Variants in FAR1 observed in about 807,000 individuals in gnomAD.
FAR1 encodes the protein fatty acyl-CoA reductase 1.
A neutral mutation model predicts 61.1 loss-of-function variants in FAR1; 22 were observed. The ratio of observed to expected loss-of-function variants is 0.36; its 90% CI spans 0.26 to 0.51. The LOEUF (loss-of-function observed/expected upper bound fraction) is 0.51, where lower values mean the gene tolerates loss of function less well. Ranked by LOEUF, FAR1 falls within the 20% of genes least tolerant of loss-of-function variation. The pLI is 0.95. For missense variants in FAR1, 359 were observed against 626.9 expected (o/e 0.57, Z 4.56); for synonymous variants, 206 against 209.7 (o/e 0.98, Z 0.15).
intron 10 of FAR1, among the ~76,000 whole-genome samples, 174 bp from the exon 11 acceptor site, chr11:13,727,382 A>C (rs1234883153): frequency 6.6e-6 from 1 of 152,014 alleles, no homozygotes; most frequent in Non-Finnish European, 1.5e-5. Context: ...GATGGTATGA[A>C]CTAGGAATAC....
rs1281587983 is a variant in FAR1, at chr11:13,668,811, G to C, written c.-8+5G>C. Reference sequence around the variant, plus strand: ...GGCCTGAGCCTCTGCGTCTAGGTGAGAAGGGGGTGCGCCAGCGGGAGCGGC... The same window carrying C: ...GGCCTGAGCCTCTGCGTCTAGGTGACAAGGGGGTGCGCCAGCGGGAGCGGC... On this transcript the variant is annotated splice_donor_5th_base_variant and intron_variant, in intron 1 of 11. Transcript: ENST00000354817. 1 of 153,906 alleles carries C rather than the reference G, an allele frequency of 6.5e-6. No individual in the cohort carries two copies. Among genetic ancestry groups the C allele is most frequent in the African/African-American group, 2.4e-5 (1 of 41,472 alleles). 9.5% of individuals were successfully genotyped at this position (153,906 alleles called of 1,614,324 possible).
At chr11:13,706,886 T>A (rs1565347522) in intron 3 of FAR1, among the ~76,000 whole-genome samples, 2 of 152,290 alleles carry the variant, frequency 1.3e-5, no homozygotes, top group East Asian at 3.9e-4. Flanking sequence ...GTAGGTTTCA[T>A]TATTGTTCCC....
intron 3 of FAR1, among the ~76,000 whole-genome samples, chr11:13,704,735 T>TA (rs76275724): frequency 2.0e-5 from 3 of 151,820 alleles, no homozygotes; most frequent in Non-Finnish European, 4.4e-5. Flanking sequence ...TCATTAAGAT[T>TA]AAAAAAAATG....
At chr11:13,704,062 AAAGTG>A (rs1247166192) in intron 3 of FAR1, among the ~76,000 whole-genome samples, 17 of 151,942 alleles carry the variant, frequency 1.1e-4, no homozygotes, top group Admixed American at 2.0e-4. Flanking sequence ...AAAAAAAAAA[AAAGTG>A]AGAGGAGAAG....
At chr11:13,702,745 C>A (rs1848390294) in intron 3 of FAR1, among the ~76,000 whole-genome samples, 1 of 152,254 alleles carries the variant, frequency 6.6e-6, no homozygotes, top group African/African-American at 2.4e-5. Flanking sequence ...GTATAGTCTT[C>A]ATTGACTTAA....
chr11:13,673,283 G>C (rs2134165078), intron 1 of FAR1, among the ~76,000 whole-genome samples: 1 of 152,302 alleles, frequency 6.6e-6, no homozygotes, highest in African/African-American at 2.4e-5. Flanking sequence ...TTAGCCCATA[G>C]GGATTCTGAG....
intron 1 of FAR1, among the ~76,000 whole-genome samples, chr11:13,673,459 C>T (rs1318693216): frequency 1.3e-5 from 2 of 152,184 alleles, no homozygotes; most frequent in Admixed American, 6.5e-5. Context: ...GGTTGGAGAG[C>T]TAAGTGACAG....
In FAR1 at chr11:13,730,850, T is replaced by C. The variant is rs1440692654; in HGVS notation, c.*2076T>C. 1 of 152,154 alleles carries C rather than the reference T, an allele frequency of 6.6e-6. No homozygotes were observed. Among genetic ancestry groups the C allele is most frequent in the Admixed American group, 6.6e-5 (1 of 15,260 alleles). The allele number at this position is 152,154 out of a possible 1,614,324, so 9.4% of individuals were successfully genotyped here. ...TAGAGTTCTGTTGTCAAAAGAAAAC[T>C]AATGAATAAATTAGTTTGTCATTCT... On this transcript the variant is annotated 3_prime_UTR_variant, in exon 12 of 12. Transcript: ENST00000354817.
At chr11:13,675,716 G>A (rs948144168) in intron 1 of FAR1, among the ~76,000 whole-genome samples, 2 of 152,166 alleles carry the variant, frequency 1.3e-5, no homozygotes, top group Admixed American at 1.3e-4. Context: ...CAGCTTTGGT[G>A]TGCAGTTGTG....
At chr11:13,691,186 G>A (rs1466914253) in intron 1 of FAR1, among the ~76,000 whole-genome samples, 2 of 152,134 alleles carry the variant, frequency 1.3e-5, no homozygotes, top group Non-Finnish European at 2.9e-5. Context: ...ACCCTCTATG[G>A]GAAAGGAATG....
chr11:13,689,786 C>G (rs1848227451), intron 1 of FAR1, among the ~76,000 whole-genome samples: 1 of 151,562 alleles, frequency 6.6e-6, no homozygotes, highest in Non-Finnish European at 1.5e-5. Flanking sequence ...CACCCTTATT[C>G]TGAGGGTCAG....
chr11:13,725,386 T>A (rs1257312002), intron 10 of FAR1, among the ~76,000 whole-genome samples: 1 of 150,884 alleles, frequency 6.6e-6, no homozygotes, highest in Non-Finnish European at 1.5e-5. Flanking sequence ...TATAGTGGTA[T>A]AACAAAATGA....
At chr11:13,675,866 A>G (rs1196390479) in intron 1 of FAR1, among the ~76,000 whole-genome samples, 1 of 152,190 alleles carries the variant, frequency 6.6e-6, no homozygotes, top group African/African-American at 2.4e-5. Context: ...GAATTTAGGG[A>G]ATTGTTACCA....
In FAR1 at chr11:13,731,028, C is replaced by T. The variant is rs1848719897; in HGVS notation, c.*2254C>T. 1 of 152,132 alleles carries T rather than the reference C, an allele frequency of 6.6e-6. No homozygotes were observed. The highest frequency in any genetic ancestry group is 2.1e-4 in the South Asian group (1 of 4,830). 9.4% of individuals were successfully genotyped at this position (152,132 alleles called of 1,614,324 possible). A position where few individuals can be genotyped will look rare whatever the true frequency, so the allele number is the denominator to read the frequency against. ...TAGTTCTGTTTGATTATATTTCCTACACAAACTTCTTATTTAACAGGATAG... is the reference window on the plus strand; with the variant it reads ...TAGTTCTGTTTGATTATATTTCCTATACAAACTTCTTATTTAACAGGATAG... On this transcript the variant is annotated 3_prime_UTR_variant, in exon 12 of 12. Coordinates refer to ENST00000354817, the MANE Select transcript of FAR1 (RefSeq NM_032228.6).
chr11:13,702,760 G>A (rs1295040164), intron 3 of FAR1, among the ~76,000 whole-genome samples: 5 of 152,154 alleles, frequency 3.3e-5, no homozygotes, highest in African/African-American at 9.7e-5. Flanking sequence ...ACTTAACGAG[G>A]AAAGTTATAT....
chr11:13,684,867 A>G (rs975297731), intron 1 of FAR1, among the ~76,000 whole-genome samples: 6 of 152,238 alleles, frequency 3.9e-5, no homozygotes, highest in African/African-American at 1.2e-4. Context: ...GAAGTGATCC[A>G]TAGGATTACC....
chr11:13,687,362 G>A (rs761634766), intron 1 of FAR1, among the ~76,000 whole-genome samples: 4 of 152,146 alleles, frequency 2.6e-5, no homozygotes, highest in Non-Finnish European at 5.9e-5. Context: ...CAGTCCTGTC[G>A]TCCCCTTCCC....
At chr11:13,723,723 G>A (rs976511745) in intron 10 of FAR1, among the ~76,000 whole-genome samples, 7 of 152,002 alleles carry the variant, frequency 4.6e-5, no homozygotes, top group Admixed American at 2.0e-4. Flanking sequence ...ATCTTTTAAC[G>A]TTAATTTCAT....
At chr11:13,694,544 C>A (rs1156761946) in intron 1 of FAR1, among the ~76,000 whole-genome samples, 1 of 152,120 alleles carries the variant, frequency 6.6e-6, no homozygotes, top group Non-Finnish European at 1.5e-5. Flanking sequence ...CTGAGGTGAT[C>A]CAAGGGAAAA....
Sources: allele counts gnomAD v4.1 joint callset (sites outside exome capture counted in the v4.1 genomes callset), GRCh38; gene constraint gnomAD v4.1.1; transcripts MANE v1.5; gene names NCBI Gene and HGNC (gene_info 2026-07-23, HGNC 2026-07-21).